Variants in PCDH15 observed in about 807,000 individuals in gnomAD.
PCDH15 encodes protocadherin related 15, also known as protocadherin-15.
PCDH15 carries 129 observed loss-of-function variants against 178.5 expected under a neutral mutation model. That is an observed-to-expected ratio of 0.72 (90% CI 0.63 to 0.84). The LOEUF (loss-of-function observed/expected upper bound fraction) is 0.84, where lower values mean the gene tolerates loss of function less well. PCDH15 is among the 40% of genes least tolerant of loss of function. PCDH15 has a pLI of 0.00. For missense variants in PCDH15, 2,230 were observed against 2,099.9 expected, an observed-to-expected ratio of 1.06 and a Z score of -1.21; for synonymous variants, 800 against 732.0, an observed-to-expected ratio of 1.09 and a Z score of -1.50.
chr10:53,949,840 A>T lies in PCDH15; in HGVS notation c.3123-8865T>A, dbSNP rs148368741. ...TGCTATTTCTTTGGCCACTGTGATA[A>T]TATTACTTGCATTTTCATAGTTTAC... On this transcript the variant is annotated intron_variant, in intron 23 of 37. Coordinates refer to ENST00000644397, the MANE Select transcript of PCDH15 (RefSeq NM_001384140.1). Among the ~76,000 whole-genome samples the T allele has an allele frequency of 2.7e-4, 41 of 152,320 alleles. No homozygotes were observed. In the East Asian group the frequency reaches 7.3e-3, roughly 27 times the overall value.
chr10:55,341,611 C>T (rs1588932792), intron 2 of PCDH15, among the ~76,000 whole-genome samples: 1 of 147,856 alleles, frequency 6.8e-6, no homozygotes, highest in Middle Eastern at 3.6e-3. Context: ...CTCCCTGTCG[C>T]CTGACTGGAG....
chr10:55,587,036 T>C (rs1253195858), intron 2 of PCDH15, among the ~76,000 whole-genome samples: 1 of 152,146 alleles, frequency 6.6e-6, no homozygotes. Flanking sequence ...GTTTTGCTAG[T>C]GTTTCACTTA....
At chr10:55,275,383 A>G (rs1387655150) in intron 1 of PCDH15, among the ~76,000 whole-genome samples, 2 of 151,978 alleles carry the variant, frequency 1.3e-5, no homozygotes, top group African/African-American at 4.8e-5. Flanking sequence ...TCTTTCCCAG[A>G]TTTAAGAAAT....
intron 8 of PCDH15, among the ~76,000 whole-genome samples, chr10:54,297,348 C>T (rs1017677773): frequency 7.2e-5 from 11 of 152,080 alleles, no homozygotes; most frequent in Admixed American, 2.6e-4. Context: ...AATATTATCT[C>T]TCTGTTGGGG....
At chr10:53,821,738 A>C (rs1162050059) in intron 32 of PCDH15, 2 of 1,534,132 alleles carry the variant, frequency 1.3e-6, no homozygotes, top group Non-Finnish European at 1.7e-6. Context: ...GAGAAAAAAA[A>C]CTGCATTTCA....
At chr10:54,777,870 T>A (rs761820255) in intron 1 of PCDH15, among the ~76,000 whole-genome samples, 1 of 152,210 alleles carries the variant, frequency 6.6e-6, no homozygotes, top group Non-Finnish European at 1.5e-5. Flanking sequence ...TTCCAAAGTA[T>A]GTCAGCTAGT....
At chr10:54,432,688 C>T (rs1957103959) in intron 3 of PCDH15, among the ~76,000 whole-genome samples, 1 of 151,926 alleles carries the variant, frequency 6.6e-6, no homozygotes, top group African/African-American at 2.4e-5. Context: ...TGAGTAATAC[C>T]CTACAAGCAC....
intron 26 of PCDH15, among the ~76,000 whole-genome samples, chr10:53,870,004 T>C (rs1206391326): frequency 6.6e-6 from 1 of 152,222 alleles, no homozygotes; most frequent in East Asian, 1.9e-4. Context: ...TTAAAATAAA[T>C]ACTGTATAAC....
rs941785266 is a variant in PCDH15, at chr10:55,445,398, C to G, written c.-156+182227G>C. Among the ~76,000 whole-genome samples, 9 of 152,090 alleles carry G rather than the reference C, an allele frequency of 5.9e-5. No individual in the cohort carries two copies. In the South Asian group the frequency reaches 1.0e-3, roughly 18 times the overall value. ...AGAAAATGAAGTGTGAACCAGGTCTCAGTTCAACCTTGTTTGTATTCTGAC... is the reference window on the plus strand; with the variant it reads ...AGAAAATGAAGTGTGAACCAGGTCTGAGTTCAACCTTGTTTGTATTCTGAC... On this transcript the variant is annotated intron_variant, in intron 2 of 5. Transcript: ENST00000613346.
At chr10:55,099,010 A>T (rs538476205) in intron 2 of PCDH15, among the ~76,000 whole-genome samples, 11 of 149,500 alleles carry the variant, frequency 7.4e-5, no homozygotes, top group African/African-American at 2.7e-4. Context: ...GCGTGTCCTT[A>T]ATCTATTTGG....
At chr10:55,497,736 T>G (rs2132135439) in intron 2 of PCDH15, among the ~76,000 whole-genome samples, 1 of 152,004 alleles carries the variant, frequency 6.6e-6, no homozygotes, top group African/African-American at 2.4e-5. Context: ...TGAAACCCAT[T>G]TTGTAAGAAT....
intron 6 of PCDH15, among the ~76,000 whole-genome samples, chr10:54,334,014 G>C (rs1469105028): frequency 6.6e-6 from 1 of 152,108 alleles, no homozygotes; most frequent in Non-Finnish European, 1.5e-5. Flanking sequence ...GATAGTCGTG[G>C]ATATTCTCTT....
intron 1 of PCDH15, among the ~76,000 whole-genome samples, chr10:54,768,405 G>A (rs1341536572): frequency 6.6e-6 from 1 of 152,138 alleles, no homozygotes; most frequent in Non-Finnish European, 1.5e-5. Flanking sequence ...CACCCTCAGA[G>A]AGATTACAAT....
chr10:54,245,429 GA>G (rs1051954091), intron 8 of PCDH15, among the ~76,000 whole-genome samples: 3 of 151,982 alleles, frequency 2.0e-5, no homozygotes, highest in Admixed American at 6.6e-5. Flanking sequence ...AATAAATAGA[GA>G]AAAAAATTAT....
intron 2 of PCDH15, among the ~76,000 whole-genome samples, chr10:54,972,643 A>T (rs1031114636): frequency 1.3e-5 from 2 of 151,912 alleles, no homozygotes; most frequent in East Asian, 1.9e-4. Context: ...AGGTCAGGAG[A>T]TCGAAACCAT....
At chr10:54,060,875 G>A (rs774742603) in intron 18 of PCDH15, among the ~76,000 whole-genome samples, 27 of 152,044 alleles carry the variant, frequency 1.8e-4, no homozygotes, top group East Asian at 5.8e-4. Context: ...TGAGAAGTCC[G>A]GGATCCCTGT....
intron 2 of PCDH15, among the ~76,000 whole-genome samples, chr10:55,127,048 A>C (rs1374168574): frequency 6.6e-6 from 1 of 151,860 alleles, no homozygotes; most frequent in African/African-American, 2.4e-5. Context: ...TTCAAATATC[A>C]CTCTGACAAT....
At chr10:55,142,651 T>G (rs1273387832) in intron 2 of PCDH15, among the ~76,000 whole-genome samples, 2 of 105,962 alleles carry the variant, frequency 1.9e-5, no homozygotes, top group African/African-American at 6.5e-5. Context: ...TGTAGATATA[T>G]CTCTAAAAAG....
chr10:54,933,244 T>A (rs1006908987), intron 2 of PCDH15, among the ~76,000 whole-genome samples: 3 of 152,186 alleles, frequency 2.0e-5, no homozygotes, highest in African/African-American at 7.2e-5. Context: ...AGTCAGTGTT[T>A]CATGATTGTG....
Sources: allele counts gnomAD v4.1 joint callset (sites outside exome capture counted in the v4.1 genomes callset), GRCh38; gene constraint gnomAD v4.1.1; transcripts MANE v1.5; gene names NCBI Gene and HGNC (gene_info 2026-07-23, HGNC 2026-07-21).